AP3S1: variants seen among roughly 807,000 people sequenced by gnomAD.
AP3S1 encodes adaptor related protein complex 3 subunit sigma 1.
AP3S1 carries 12 observed loss-of-function variants against 21.3 expected under a neutral mutation model. The observed-to-expected ratio is 0.56, with a 90% CI of 0.36 to 0.91. The LOEUF (loss-of-function observed/expected upper bound fraction) is 0.91, where lower values mean the gene tolerates loss of function less well. AP3S1 is among the 40% of genes least tolerant of loss of function. The pLI, the probability that AP3S1 is intolerant of heterozygous loss-of-function variation, is 0.01. For synonymous variants in AP3S1, 48 were observed against 78.4 expected, an observed-to-expected ratio of 0.61 and a Z score of 2.05; for missense variants, 116 against 225.0, an observed-to-expected ratio of 0.52 and a Z score of 3.10.
At chr5:115,897,577 T>C (rs1750858955) in intron 4 of AP3S1, among the ~76,000 whole-genome samples, 1 of 152,000 alleles carries the variant, frequency 6.6e-6, no homozygotes, top group South Asian at 2.1e-4. Context: ...CTTTTTTTTT[T>C]CTGAGATGGA....
rs1490538446 is a variant in AP3S1, at chr5:115,882,807, C to T, written c.274-12280C>T. On this transcript the variant is annotated intron_variant, in intron 3 of 5. Coordinates refer to ENST00000316788, the MANE Select transcript of AP3S1 (RefSeq NM_001284.4). ...TGCTGAAGCTGTGCTCACAGCCACCCCTTCCCCCAGGTGCTCTGTCCCAGG... is the reference window on the plus strand; with the variant it reads ...TGCTGAAGCTGTGCTCACAGCCACCTCTTCCCCCAGGTGCTCTGTCCCAGG... Among the ~76,000 whole-genome samples, 3 of 152,198 alleles carry T rather than the reference C, an allele frequency of 2.0e-5. No homozygotes were observed. The East Asian group carries it at 5.8e-4, about 29-fold the overall frequency.
intron 4 of AP3S1, among the ~76,000 whole-genome samples, chr5:115,897,221 A>G (rs1750824899): frequency 6.6e-6 from 1 of 152,236 alleles, no homozygotes; most frequent in African/African-American, 2.4e-5. Flanking sequence ...TTAAAACAAT[A>G]AAGATGGGAT....
intron 3 of AP3S1, among the ~76,000 whole-genome samples, chr5:115,875,640 C>A (rs925750100): frequency 2.0e-4 from 31 of 152,200 alleles, no homozygotes; most frequent in Non-Finnish European, 7.4e-5. Flanking sequence ...GTTCCTCCTG[C>A]TGGAGCAAGA....
At chr5:115,911,251 A>G (rs985692910) in intron 5 of AP3S1, among the ~76,000 whole-genome samples, 2 of 151,966 alleles carry the variant, frequency 1.3e-5, no homozygotes, top group African/African-American at 2.4e-5. Flanking sequence ...TGGAAAAGAG[A>G]GCTTCATGTA....
intron 5 of AP3S1, chr5:115,903,208 T>A: frequency 2.7e-6 from 1 of 376,668 alleles, no homozygotes; most frequent in South Asian, 3.1e-5. Flanking sequence ...TTAGCCACAG[T>A]CATAGCTGCC....
chr5:115,901,431 A>G, intron 4 of AP3S1, among the ~76,000 whole-genome samples: 1 of 150,206 alleles, frequency 6.7e-6, no homozygotes, highest in East Asian at 1.9e-4. Context: ...GGTAGTTTTC[A>G]AAACACTGTC....
intron 1 of AP3S1, among the ~76,000 whole-genome samples, chr5:115,859,833 T>C (rs1373885255): frequency 2.0e-5 from 3 of 152,226 alleles, no homozygotes; most frequent in African/African-American, 7.2e-5. Context: ...TGCCTCTAGG[T>C]ATTCTGAGAA....
chr5:115,877,643 C>T (rs1391261075), intron 3 of AP3S1, among the ~76,000 whole-genome samples: 8 of 152,000 alleles, frequency 5.3e-5, no homozygotes, highest in South Asian at 2.1e-4. Context: ...CTATTGTGAA[C>T]GGTGCTGCAG....
intron 5 of AP3S1, chr5:115,907,094 C>A (rs1206687220): frequency 3.8e-6 from 3 of 781,956 alleles, no homozygotes; most frequent in East Asian, 1.3e-4. Context: ...TGTCTGCCTG[C>A]ATTGTAAAAG....
chr5:115,868,404 T>C (rs1461281330), intron 2 of AP3S1, among the ~76,000 whole-genome samples: 1 of 152,212 alleles, frequency 6.6e-6, no homozygotes, highest in Non-Finnish European at 1.5e-5. Context: ...TCAGAATCTT[T>C]AAATTGCATG....
chr5:115,844,267 A>G (rs1251839363), intron 1 of AP3S1, among the ~76,000 whole-genome samples: 1 of 152,194 alleles, frequency 6.6e-6, no homozygotes, highest in African/African-American at 2.4e-5. Context: ...AAATCTGAAG[A>G]TGAACAGATA....
chr5:115,909,131 T>A (rs1182758117), intron 5 of AP3S1: 2 of 304,290 alleles, frequency 6.6e-6, no homozygotes, highest in African/African-American at 4.5e-5. Flanking sequence ...TGGTATTTTA[T>A]GTCTTAGATG....
intron 1 of AP3S1, among the ~76,000 whole-genome samples, chr5:115,859,890 A>G (rs1763050737): frequency 6.6e-6 from 1 of 152,090 alleles, no homozygotes; most frequent in Non-Finnish European, 1.5e-5. Flanking sequence ...CCTAATCCCC[A>G]TGTTTTCAGT....
intron 5 of AP3S1, among the ~76,000 whole-genome samples, chr5:115,907,507 G>A (rs1751749845): frequency 6.6e-6 from 1 of 152,086 alleles, no homozygotes; most frequent in African/African-American, 2.4e-5. Context: ...AATAAGATCA[G>A]AAATCTTATA....
chr5:115,908,575 CT>C (rs999921866), intron 5 of AP3S1, among the ~76,000 whole-genome samples: 7 of 152,024 alleles, frequency 4.6e-5, no homozygotes, highest in Admixed American at 2.0e-4. Flanking sequence ...AGTCTGCTCT[CT>C]TTTTTTCATG....
chr5:115,843,634 A>G (rs1474562292), intron 1 of AP3S1, among the ~76,000 whole-genome samples: 1 of 152,248 alleles, frequency 6.6e-6, no homozygotes, highest in African/African-American at 2.4e-5. Context: ...AGTGTCATCC[A>G]TTTGCAGTGT....
At chr5:115,881,489 T>C (rs1426935314) in intron 3 of AP3S1, among the ~76,000 whole-genome samples, 1 of 152,140 alleles carries the variant, frequency 6.6e-6, no homozygotes, top group Non-Finnish European at 1.5e-5. Flanking sequence ...AAATGCTGGG[T>C]TGAAAATTCT....
At chr5:115,869,975 G>A (rs368663038) in intron 2 of AP3S1, 42 bp from the exon 3 acceptor site, 10 of 1,242,858 alleles carry the variant, frequency 8.0e-6, no homozygotes, top group East Asian at 7.6e-5. Context: ...AAAATGATTC[G>A]CATTTTGTTT....
chr5:115,842,292 C>T (rs1761645411), intron 1 of AP3S1, among the ~76,000 whole-genome samples, 186 bp downstream of exon 1: 1 of 152,176 alleles, frequency 6.6e-6, no homozygotes, highest in Non-Finnish European at 1.5e-5. Flanking sequence ...CCCTGCCGCG[C>T]GGTCAGCCAC....
Sources: allele counts gnomAD v4.1 joint callset (sites outside exome capture counted in the v4.1 genomes callset), GRCh38; gene constraint gnomAD v4.1.1; transcripts MANE v1.5; gene names NCBI Gene and HGNC (gene_info 2026-07-23, HGNC 2026-07-21).